SNX13: variants seen among roughly 807,000 people sequenced by gnomAD.
SNX13 encodes the protein sorting nexin 13, also known as sorting nexin-13.
A neutral mutation model predicts 133.6 loss-of-function variants in SNX13; 45 were observed. The observed-to-expected ratio is 0.34, with a 90% CI of 0.27 to 0.43. The LOEUF is 0.43. Ranked by LOEUF, SNX13 falls within the 20% of genes least tolerant of loss-of-function variation. The pLI, the probability that SNX13 is intolerant of heterozygous loss-of-function variation, is 1.00. For synonymous variants in SNX13, 414 were observed against 373.9 expected, an observed-to-expected ratio of 1.11 and a Z score of -1.24; for missense variants, 1,032 against 1,145.1, an observed-to-expected ratio of 0.90 and a Z score of 1.43.
At chr7:17,877,491 T>C (rs997974696) in intron 5 of SNX13, among the ~76,000 whole-genome samples, 1 of 152,100 alleles carries the variant, frequency 6.6e-6, no homozygotes, top group African/African-American at 2.4e-5. Context: ...TTACTTAGTA[T>C]AGGCCATAGC....
At chr7:17,805,255 G>GTGTGTGTGTGCGCGCGCA (rs772458913) in intron 20 of SNX13, among the ~76,000 whole-genome samples, 1 of 86,762 alleles carries the variant, frequency 1.2e-5, no homozygotes, top group Non-Finnish European at 2.8e-5. Flanking sequence ...GTGTGTGCGT[G>GTGTGTGTGTGCGCGCGCA]CGCGCGCGCG....
chr7:17,874,554 A>C (rs1263579986), intron 7 of SNX13, among the ~76,000 whole-genome samples: 1 of 152,230 alleles, frequency 6.6e-6, no homozygotes, highest in Non-Finnish European at 1.5e-5. Flanking sequence ...TACAATAAAC[A>C]TAAAAAGAAA....
At chr7:17,936,978 C>T (rs534616207) in intron 1 of SNX13, among the ~76,000 whole-genome samples, 32 of 114,394 alleles carry the variant, frequency 2.8e-4, no homozygotes, top group Admixed American at 2.3e-3. Context: ...GCAAGGACAA[C>T]AGAAGGGGAA....
At chr7:17,911,023 T>C (rs1421410017) in intron 1 of SNX13, among the ~76,000 whole-genome samples, 1 of 152,168 alleles carries the variant, frequency 6.6e-6, no homozygotes, top group Non-Finnish European at 1.5e-5. Context: ...CATTTTTAAA[T>C]GGCTAATTTT....
intron 24 of SNX13, among the ~76,000 whole-genome samples, chr7:17,797,166 G>A (rs1487395853): frequency 1.3e-5 from 2 of 151,842 alleles, no homozygotes; most frequent in Non-Finnish European, 2.9e-5. Context: ...GATAAAGTCT[G>A]CACCAATGCA....
At chr7:17,859,816 G>A (rs569175000) in intron 9 of SNX13, among the ~76,000 whole-genome samples, 1 of 152,192 alleles carries the variant, frequency 6.6e-6, no homozygotes, top group African/African-American at 2.4e-5. Flanking sequence ...TCATGTTGTA[G>A]GATATACAGG....
chr7:17,850,270 T>C lies in SNX13; in HGVS notation c.1065+77A>G, dbSNP rs17138311. 5.7e-3 allele frequency: 4,877 copies of C among 860,170 alleles called. 173 individuals carry two copies. In the African/African-American group the frequency reaches 0.074, roughly 13 times the overall value. 53.3% of individuals were successfully genotyped at this position (860,170 alleles called of 1,614,324 possible). On this transcript the variant is annotated intron_variant, in intron 11 of 25. Transcript: ENST00000428135. The stretch of plus-strand genomic sequence containing the variant: ...CTGCACTGGTAAACGTCCTGCTTTT[T>C]GTCCTTTACTGTGCATTTTTAATCC...
At chr7:17,933,029 T>C (rs1382228992) in intron 1 of SNX13, among the ~76,000 whole-genome samples, 1 of 152,202 alleles carries the variant, frequency 6.6e-6, no homozygotes, top group Non-Finnish European at 1.5e-5. Flanking sequence ...AAAGTAGGCA[T>C]ACTCTTGTTT....
chr7:17,903,413 A>G (rs899049404), intron 1 of SNX13, among the ~76,000 whole-genome samples: 1 of 152,314 alleles, frequency 6.6e-6, no homozygotes, highest in South Asian at 2.1e-4. Flanking sequence ...TACACCTCAG[A>G]ACAACTTATG....
intron 1 of SNX13, among the ~76,000 whole-genome samples, chr7:17,920,676 C>T (rs1010972205): frequency 6.6e-6 from 1 of 152,056 alleles, no homozygotes; most frequent in African/African-American, 2.4e-5. Context: ...CCCCATATAC[C>T]GTTTATACTT....
intron 1 of SNX13, among the ~76,000 whole-genome samples, chr7:17,912,569 C>T (rs1799102708): frequency 6.6e-6 from 1 of 152,070 alleles, no homozygotes; most frequent in African/African-American, 2.4e-5. Context: ...CACCACCACA[C>T]CTGGCTAATT....
chr7:17,915,761 T>C (rs1799493837), intron 1 of SNX13, among the ~76,000 whole-genome samples: 1 of 152,138 alleles, frequency 6.6e-6, no homozygotes, highest in African/African-American at 2.4e-5. Context: ...GGCAGAAAAC[T>C]AACCAAAAAA....
chr7:17,895,868 ACCTT>A (rs1797151083), intron 2 of SNX13, among the ~76,000 whole-genome samples: 1 of 152,172 alleles, frequency 6.6e-6, no homozygotes, highest in African/African-American at 2.4e-5. Context: ...AAGGGCTCCT[ACCTT>A]AGCCTATAAA....
chr7:17,894,303 A>C (rs1796968604), intron 2 of SNX13, among the ~76,000 whole-genome samples: 2 of 152,162 alleles, frequency 1.3e-5, no homozygotes, highest in South Asian at 4.1e-4. Context: ...CTCAAAAAAA[A>C]AAAGAAAAGA....
chr7:17,876,949 G>C (rs1794792446), intron 5 of SNX13, among the ~76,000 whole-genome samples: 1 of 147,820 alleles, frequency 6.8e-6, no homozygotes, highest in Non-Finnish European at 1.5e-5. Flanking sequence ...AGACAATGGA[G>C]GAACCAAAAA....
chr7:17,840,354 C>G (rs1382272098), intron 12 of SNX13, among the ~76,000 whole-genome samples: 2 of 151,892 alleles, frequency 1.3e-5, no homozygotes, highest in Admixed American at 1.3e-4. Context: ...ACTCTTCAAA[C>G]CATATATTTA....
chr7:17,811,810 T>C (rs1786063571), intron 20 of SNX13, among the ~76,000 whole-genome samples: 1 of 151,972 alleles, frequency 6.6e-6, no homozygotes, highest in South Asian at 2.1e-4. Context: ...TATAGACCAA[T>C]GGAACAGAAC....
At chr7:17,934,543 T>C (rs1019332885) in intron 1 of SNX13, among the ~76,000 whole-genome samples, 7 of 152,150 alleles carry the variant, frequency 4.6e-5, no homozygotes, top group African/African-American at 1.7e-4. Flanking sequence ...CCCAATCTGC[T>C]GGGGGCCCAG....
At chr7:17,848,259 T>C (rs944390332) in intron 11 of SNX13, among the ~76,000 whole-genome samples, 37 of 152,224 alleles carry the variant, frequency 2.4e-4, no homozygotes, top group Middle Eastern at 3.4e-3. Context: ...ACCCGCCCCA[T>C]TCCCCTTTTC....
Sources: gnomAD v4.1 joint callset for allele counts (sites outside exome capture counted in the v4.1 genomes callset) on GRCh38, gnomAD v4.1.1 for gene constraint, MANE v1.5 for transcripts, NCBI Gene and HGNC (gene_info 2026-07-23, HGNC 2026-07-21) for gene names.